CARM1: variants seen among roughly 807,000 people sequenced by gnomAD.
CARM1 encodes the protein histone-arginine methyltransferase CARM1.
In CARM1, 14 loss-of-function variants were observed where a neutral mutation model predicts 72.7. The ratio of observed to expected loss-of-function variants is 0.19; its 90% confidence interval spans 0.13 to 0.30. CARM1 has a LOEUF of 0.30. Ranked by LOEUF, CARM1 falls within the 10% of genes least tolerant of loss-of-function variation. The pLI is 1.00. For missense variants in CARM1, 432 were observed against 833.7 expected (o/e 0.52, Z 5.93); for synonymous variants, 333 against 345.5 (o/e 0.96, Z 0.40).
chr19:10,885,752 G>A (rs2073936248), intron 1 of CARM1, among the ~76,000 whole-genome samples: 1 of 152,092 alleles, frequency 6.6e-6, no homozygotes. Flanking sequence ...CAGGAGCCTG[G>A]CTCTGCCTTT....
rs1555723430 is a variant in CARM1, at chr19:10,871,604, G to GGCGGCT, written c.-94_-93insTGCGGC. On this transcript the variant is annotated 5_prime_UTR_variant, in exon 1 of 16. Transcript: ENST00000327064. This position sits in a 1 kb window ranked among gnomAD's most constrained non-coding sequence, Gnocchi z 5.6. The stretch of plus-strand genomic sequence containing the variant: ...CGGTAGCGGCAGCGGCGGCGGCGGC[G>GGCGGCT]GCGGCGGCGGCGGCGGCGGCGGCGG... 9.0e-5 allele frequency: 10 copies of GGCGGCT among 110,586 alleles called. No individual in the cohort carries two copies. Among genetic ancestry groups the GGCGGCT allele is most frequent in the African/African-American group, 1.6e-4 (5 of 30,406 alleles). The allele number at this position is 110,586 out of a possible 1,614,324, so 6.9% of individuals were successfully genotyped here.
intron 1 of CARM1, among the ~76,000 whole-genome samples, chr19:10,877,809 C>A (rs1406935107): frequency 6.6e-6 from 1 of 152,154 alleles, no homozygotes; most frequent in African/African-American, 2.4e-5. Context: ...CTCACTGCAA[C>A]CTCTGCCTCC....
intron 1 of CARM1, among the ~76,000 whole-genome samples, chr19:10,902,919 A>G (rs1163484626): frequency 5.9e-5 from 9 of 152,152 alleles, no homozygotes; most frequent in Admixed American, 5.9e-4. Flanking sequence ...ATAGTTTTTT[A>G]TATATTCTGG....
At position 10,921,965 on chromosome 19, in the gene CARM1, C is replaced by T. The variant is rs1599714921; in HGVS notation, c.*208C>T. 1.9e-6 allele frequency: 1 copy of T among 521,580 alleles called. No homozygotes were observed. Among genetic ancestry groups the T allele is most frequent in the East Asian group, 3.3e-5 (1 of 30,040 alleles). The allele number at this position is 521,580 out of a possible 1,614,324, so 32.3% of individuals were successfully genotyped here. On this transcript the variant is annotated 3_prime_UTR_variant, in exon 16 of 16. Transcript: ENST00000327064. Reference sequence around the variant, plus strand: ...TCCCGGCCCTGAGCGTGTGTCGCTGCCATATTTTACACAAAATCATGTTGT... The same window carrying T: ...TCCCGGCCCTGAGCGTGTGTCGCTGTCATATTTTACACAAAATCATGTTGT...
chr19:10,903,205 G>A (rs2074078989), intron 1 of CARM1, among the ~76,000 whole-genome samples: 1 of 152,116 alleles, frequency 6.6e-6, no homozygotes, highest in Admixed American at 6.6e-5. Context: ...CTCTGATTCT[G>A]TTCCATTGAT....
intron 6 of CARM1, among the ~76,000 whole-genome samples, chr19:10,914,648 C>A (rs1347526284): frequency 1.3e-5 from 2 of 152,136 alleles, no homozygotes; most frequent in Non-Finnish European, 2.9e-5. Flanking sequence ...CTGCACCTCC[C>A]CAGTTCAAGC....
rs1173469111 is a variant in CARM1 at position 10,920,238 on chromosome 19, G to A, written c.1197-198G>A. Among the ~76,000 whole-genome samples the A allele has an allele frequency of 2.1e-4, 32 of 152,058 alleles. No homozygotes were observed. Among genetic ancestry groups the A allele is most frequent in the Admixed American group, 2.1e-3 (32 of 15,258 alleles). On this transcript the variant is annotated intron_variant, in intron 10 of 15. Coordinates refer to ENST00000327064, the MANE Select transcript of CARM1 (RefSeq NM_199141.2). This position sits in a 1 kb window ranked among gnomAD's most constrained non-coding sequence, Gnocchi z 5.3. The stretch of plus-strand genomic sequence containing the variant: ...CAGGGTGAGTAGGGATCTCGTGGTT[G>A]CGGGCCCCTCGTGTGTACATGTATG...
chr19:10,906,701 G>A (rs1336806724), intron 2 of CARM1, among the ~76,000 whole-genome samples: 2 of 152,030 alleles, frequency 1.3e-5, no homozygotes, highest in African/African-American at 4.8e-5. Context: ...CTGACCTCAG[G>A]TAATCCGCCT....
intron 1 of CARM1, among the ~76,000 whole-genome samples, chr19:10,898,998 G>A (rs1387802977): frequency 1.3e-5 from 2 of 151,268 alleles, no homozygotes; most frequent in Non-Finnish European, 2.9e-5. Flanking sequence ...AGGCTCGGGA[G>A]TCTCCTGAAC....
At chr19:10,874,418 GC>G (rs2073847343) in intron 1 of CARM1, among the ~76,000 whole-genome samples, 1 of 149,694 alleles carries the variant, frequency 6.7e-6, no homozygotes, top group South Asian at 2.1e-4. Context: ...TTCAGACAGG[GC>G]CTCACTCTGT....
At chr19:10,890,760 CATATACACACACACATAT>C (rs1255693843) in intron 1 of CARM1, among the ~76,000 whole-genome samples, 5 of 122,970 alleles carry the variant, frequency 4.1e-5, no homozygotes, top group Non-Finnish European at 8.4e-5. Context: ...TACACACACA[CATATACACACACACATAT>C]ATATATATAT....
chr19:10,910,652 G>A (rs192264279), intron 4 of CARM1, among the ~76,000 whole-genome samples: 234 of 148,406 alleles, frequency 1.6e-3, no homozygotes, highest in African/African-American at 5.2e-3. Context: ...TGCAACCTCC[G>A]CCTCCCGGGT....
chr19:10,912,259 G>A lies in CARM1; in HGVS notation c.634G>A (p.Ala212Thr). The A allele has an allele frequency of 1.2e-6, 2 of 1,612,634 alleles. No homozygotes were observed. Among genetic ancestry groups the A allele is most frequent in the Non-Finnish European group, 8.5e-7 (1 of 1,179,214 alleles). Residue 212 changes from alanine (A) to threonine (T), a missense_variant, in exon 5 of 16, where the codon GCG becomes ACG. Ala to Thr is a moderately conservative substitution (Grantham distance 58). Transcript: ENST00000327064. The surrounding 1 kb of genome is among the most constrained non-coding windows in gnomAD (Gnocchi z 4.5). ...CCAAGCTGGAGCACGGAAAATCTAC[G>A]CGGTGGAGGCCAGCACCATGGCCCA... ...AAQAGARKIY[A>T]VEASTMAQHA...
At chr19:10,913,758 C>A in intron 5 of CARM1, 119 bp from the exon 6 acceptor site, 2 of 1,053,462 alleles carry the variant, frequency 1.9e-6, no homozygotes, top group Non-Finnish European at 2.7e-6. Flanking sequence ...GCCAGCGAAG[C>A]AGGCAGAGGG....
At chr19:10,876,684 T>A (rs897731051) in intron 1 of CARM1, among the ~76,000 whole-genome samples, 3 of 152,266 alleles carry the variant, frequency 2.0e-5, no homozygotes, top group Non-Finnish European at 2.9e-5. Context: ...CCAGGCCATT[T>A]TCCCTGTGCA....
chr19:10,903,712 C>T (rs1028567430), intron 1 of CARM1, among the ~76,000 whole-genome samples: 2 of 152,196 alleles, frequency 1.3e-5, no homozygotes, highest in Admixed American at 6.6e-5. Context: ...AGGTGTGAGC[C>T]ACTCTGTCCA....
intron 3 of CARM1, 63 bp from the exon 4 acceptor site, chr19:10,909,040 G>C: frequency 7.7e-7 from 1 of 1,290,682 alleles, no homozygotes; most frequent in Non-Finnish European, 1.1e-6. Flanking sequence ...CACAGGGCTG[G>C]CCAGGGCCTT....
chr19:10,902,608 CTTT>C (rs35583098), intron 1 of CARM1, among the ~76,000 whole-genome samples: 8 of 136,478 alleles, frequency 5.9e-5, no homozygotes, highest in Admixed American at 1.5e-4. Flanking sequence ...TGTGCCCAGA[CTTT>C]TTTTTTTTTT....
intron 1 of CARM1, 72 bp from the exon 2 acceptor site, chr19:10,904,879 A>T (rs1049786563): frequency 1.9e-6 from 3 of 1,578,060 alleles, no homozygotes; most frequent in African/African-American, 2.7e-5. Flanking sequence ...CAGGAGGGCG[A>T]CAGGGACCCA....
Sources: allele counts gnomAD v4.1 joint callset (sites outside exome capture counted in the v4.1 genomes callset), GRCh38; gene constraint gnomAD v4.1.1; non-coding constraint Gnocchi (gnomAD v3.1); transcripts MANE v1.5; gene names NCBI Gene and HGNC (gene_info 2026-07-23, HGNC 2026-07-21).